Variants in TMC2 observed in about 807,000 individuals in gnomAD.
TMC2 encodes transmembrane channel like 2, also known as transmembrane channel-like protein 2.
In TMC2, 102 loss-of-function variants were observed where a neutral mutation model predicts 105.9. That is an observed-to-expected ratio of 0.96 (90% CI 0.82 to 1.14). TMC2 has a LOEUF of 1.14. Among genes scored for constraint, TMC2 ranks in the 50% most tolerant of loss-of-function variants. The pLI, the probability that TMC2 is intolerant of heterozygous loss-of-function variation, is 0.00. For missense variants in TMC2, 1,093 were observed against 1,134.3 expected (o/e 0.96, Z 0.52); for synonymous variants, 402 against 422.8 (o/e 0.95, Z 0.60).
chr20:2,578,002 A>C (rs1237558797), intron 5 of TMC2, among the ~76,000 whole-genome samples: 1 of 152,136 alleles, frequency 6.6e-6, no homozygotes, highest in African/African-American at 2.4e-5. Context: ...GTCCTCCATG[A>C]ACAAGTTCTG....
In TMC2 at chr20:2,612,343, G is replaced by A. The variant is rs2086447163; in HGVS notation, c.1743+3G>A. 6.4e-7 allele frequency: 1 copy of A among 1,565,860 alleles called. No homozygotes were observed. The highest frequency in any genetic ancestry group is 1.2e-5 in the South Asian group (1 of 83,396). On this transcript the variant is annotated splice_donor_region_variant and intron_variant, in intron 13 of 19. Coordinates refer to ENST00000358864, the MANE Select transcript of TMC2 (RefSeq NM_080751.3). ...GCTGGGAGACAGCTGTGGGCATTGT[G>A]AGTAGTTACACTCTCTAAAAAGGTG...
intron 2 of TMC2, among the ~76,000 whole-genome samples, chr20:2,546,301 G>C (rs2085925826): frequency 2.0e-5 from 3 of 152,152 alleles, no homozygotes. Flanking sequence ...ACAGTTCATG[G>C]GTTAATTGTA....
chr20:2,574,888 G>A (rs2086132632), intron 5 of TMC2, among the ~76,000 whole-genome samples: 1 of 151,934 alleles, frequency 6.6e-6, no homozygotes. Flanking sequence ...ACCATACCCG[G>A]CTAATTTTTG....
chr20:2,608,885 T>G (rs773698312), intron 11 of TMC2, among the ~76,000 whole-genome samples: 1 of 152,246 alleles, frequency 6.6e-6, no homozygotes, highest in Non-Finnish European at 1.5e-5. Flanking sequence ...GCAGAGTGTG[T>G]GTGACTTTTT....
chr20:2,552,838 TA>T (rs1429165083), intron 2 of TMC2, among the ~76,000 whole-genome samples: 1 of 152,184 alleles, frequency 6.6e-6, no homozygotes, highest in Non-Finnish European at 1.5e-5. Context: ...TTTTTAGTTC[TA>T]ATATAAATGG....
intron 19 of TMC2, among the ~76,000 whole-genome samples, chr20:2,639,133 G>A (rs1373525324): frequency 1.3e-5 from 2 of 152,198 alleles, no homozygotes; most frequent in Non-Finnish European, 2.9e-5. Flanking sequence ...CTGACCTCGT[G>A]ATCCGCCCGC....
intron 1 of TMC2, 111 bp from the exon 2 acceptor site, chr20:2,537,158 C>T: frequency 1.1e-6 from 1 of 900,902 alleles, no homozygotes; most frequent in Non-Finnish European, 1.8e-6. Context: ...GAGCTGGGTC[C>T]CAGTTTGAGG....
intron 5 of TMC2, 107 bp downstream of exon 5, chr20:2,572,376 C>T: frequency 2.4e-6 from 2 of 827,764 alleles, no homozygotes; most frequent in Non-Finnish European, 4.0e-6. Flanking sequence ...TCCAGCTGCC[C>T]CCAGAATCCT....
At chr20:2,567,552 T>C (rs1452578834) in intron 4 of TMC2, among the ~76,000 whole-genome samples, 1 of 152,154 alleles carries the variant, frequency 6.6e-6, no homozygotes, top group African/African-American at 2.4e-5. Context: ...AAAGGTTTTA[T>C]TTTATTTATT....
At chr20:2,628,498 T>TC (rs1187537783) in intron 17 of TMC2, among the ~76,000 whole-genome samples, 1 of 152,192 alleles carries the variant, frequency 6.6e-6, no homozygotes, top group Non-Finnish European at 1.5e-5. Context: ...TGAATTGTAA[T>TC]CCCCATAATC....
At chr20:2,543,893 C>T (rs1245487208) in intron 2 of TMC2, among the ~76,000 whole-genome samples, 1 of 147,154 alleles carries the variant, frequency 6.8e-6, no homozygotes, top group Non-Finnish European at 1.5e-5. Context: ...CTGTTTCAAC[C>T]TGCATGTCAG....
At chr20:2,559,194 C>T (rs911071353) in intron 3 of TMC2, among the ~76,000 whole-genome samples, 4 of 152,220 alleles carry the variant, frequency 2.6e-5, no homozygotes, top group Non-Finnish European at 4.4e-5. Flanking sequence ...GACTCAGGAA[C>T]CATCTGAGGG....
intron 11 of TMC2, among the ~76,000 whole-genome samples, chr20:2,603,578 CAGTGGTTTCTGCT>C (rs1278508281): frequency 1.3e-5 from 2 of 152,122 alleles, no homozygotes; most frequent in African/African-American, 4.8e-5. Context: ...AAGAATGGGC[CAGTGGTTTCTGCT>C]AGTGGTGGCC....
chr20:2,608,502 A>G (rs1290059908), intron 11 of TMC2, among the ~76,000 whole-genome samples: 2 of 151,810 alleles, frequency 1.3e-5, no homozygotes, highest in Non-Finnish European at 1.5e-5. Flanking sequence ...TAATTTTTGT[A>G]TTTTTAGTAG....
In TMC2 at chr20:2,558,711, C is replaced by A; in HGVS notation, c.338C>A (p.Ala113Asp). 1 of 1,600,962 alleles carries A rather than the reference C, an allele frequency of 6.2e-7. No homozygotes were observed. Among genetic ancestry groups the A allele is most frequent in the Admixed American group, 1.7e-5 (1 of 57,684 alleles). The change falls in exon 3 of 20, where the codon GCC (alanine) becomes GAC (aspartate). Residue 113 changes from alanine (A) to aspartate (D), a missense_variant. By Grantham distance (126) the Ala-to-Asp change is moderately radical. Transcript: ENST00000358864. This position sits in a 1 kb window ranked among gnomAD's most constrained non-coding sequence, Gnocchi z 4.6. Reference sequence around the variant, plus strand: ...GCCTCCTTCCAGGAGCGGACAGCAGCCCCAAAGAGGGAAAAGGAGATTCCG... The same window carrying A: ...GCCTCCTTCCAGGAGCGGACAGCAGACCCAAAGAGGGAAAAGGAGATTCCG... ...ERASFQERTA[A>D]PKREKEIPRR...
intron 16 of TMC2, among the ~76,000 whole-genome samples, chr20:2,618,702 A>T (rs897223880): frequency 1.4e-4 from 21 of 152,184 alleles, no homozygotes; most frequent in Admixed American, 3.9e-4. Flanking sequence ...TCTCTTTCCA[A>T]ATGCCTGACC....
At chr20:2,584,321 G>A (rs2086216488) in intron 7 of TMC2, among the ~76,000 whole-genome samples, 1 of 142,590 alleles carries the variant, frequency 7.0e-6, no homozygotes, top group Non-Finnish European at 1.5e-5. Flanking sequence ...GCGGGTGCCT[G>A]TGGTCCCAGC....
chr20:2,639,131 G>A lies in TMC2; in HGVS notation c.2503+1540G>A, dbSNP rs6138634. ...AGGCCGTTCTTGAACTCCTGACCTC[G>A]TGATCCGCCCGCCTCGGCCTCCCAA... On this transcript the variant is annotated intron_variant, in intron 19 of 19. Coordinates refer to ENST00000358864, the MANE Select transcript of TMC2 (RefSeq NM_080751.3). 2.6e-4 allele frequency among the ~76,000 whole-genome samples: 40 copies of A among 152,258 alleles called. No individual in the cohort carries two copies. In the East Asian group the frequency reaches 6.8e-3, roughly 26 times the overall value.
At chr20:2,554,782 T>A (rs1279598656) in intron 2 of TMC2, among the ~76,000 whole-genome samples, 2 of 151,778 alleles carry the variant, frequency 1.3e-5, no homozygotes, top group African/African-American at 4.9e-5. Flanking sequence ...CTAATTCCAT[T>A]ATGATCTGAG....
Sources: allele counts gnomAD v4.1 joint callset (sites outside exome capture counted in the v4.1 genomes callset), GRCh38; gene constraint gnomAD v4.1.1; non-coding constraint Gnocchi (gnomAD v3.1); transcripts MANE v1.5; gene names NCBI Gene and HGNC (gene_info 2026-07-23, HGNC 2026-07-21).